The following CAMK2D variants were observed in gnomAD, a reference collection of about 807,000 sequenced individuals.
CAMK2D encodes the protein calcium/calmodulin-dependent protein kinase type II subunit delta.
A neutral mutation model predicts 84.0 loss-of-function variants in CAMK2D; 37 were observed. That is an observed-to-expected ratio of 0.44 (90% CI 0.34 to 0.58). The LOEUF (loss-of-function observed/expected upper bound fraction) is 0.58. Among genes scored for constraint, CAMK2D ranks in the 20% least tolerant of loss-of-function variants. The pLI, the probability that CAMK2D is intolerant of heterozygous loss-of-function variation, is 0.02. For synonymous variants in CAMK2D, 202 were observed against 212.5 expected, an observed-to-expected ratio of 0.95 and a Z score of 0.43; for missense variants, 448 against 652.5, an observed-to-expected ratio of 0.69 and a Z score of 3.41.
intron 16 of CAMK2D, among the ~76,000 whole-genome samples, chr4:113,476,410 A>G (rs774715823): frequency 1.1e-4 from 16 of 152,342 alleles, no homozygotes; most frequent in African/African-American, 3.8e-4. Context: ...TAAATGTGAC[A>G]TAACTGACTT....
chr4:113,633,021 C>A (rs775686036), intron 3 of CAMK2D, among the ~76,000 whole-genome samples: 1 of 152,158 alleles, frequency 6.6e-6, no homozygotes, highest in Non-Finnish European at 1.5e-5. Context: ...GTTTTGTTAT[C>A]CAAAGGCAAA....
Position 113,761,193 on chromosome 4 carries a change from A to T in CAMK2D, c.-125T>A. On this transcript the variant is annotated 5_prime_UTR_variant, in exon 1 of 21. Coordinates refer to ENST00000511664, the MANE Select transcript of CAMK2D (RefSeq NM_001321571.2). ...GCCGCTCTTACTTTCCTGGTCCGAAAGTAGCTCGCCCGCGAGGGAGTGTGC... is the reference window on the plus strand; with the variant it reads ...GCCGCTCTTACTTTCCTGGTCCGAATGTAGCTCGCCCGCGAGGGAGTGTGC... The T allele has an allele frequency of 1.4e-6, 2 of 1,419,534 alleles. No homozygotes were observed. Among genetic ancestry groups the T allele is most frequent in the East Asian group, 3.2e-5 (1 of 30,976 alleles). The allele number at this position is 1,419,534 out of a possible 1,614,324, so 87.9% of individuals were successfully genotyped here.
At position 113,519,092 on chromosome 4, in the gene CAMK2D, A is replaced by G. The variant is rs138441336; in HGVS notation, c.602-1435T>C. On this transcript the variant is annotated intron_variant, in intron 8 of 20. Transcript: ENST00000511664. ...GATGAGTGTTTCTCTTTGTGTTCTC[A>G]GGAGGCAAGTAGAAAAAAAGCTGTA... 6.8e-3 allele frequency among the ~76,000 whole-genome samples: 1,036 copies of G among 152,252 alleles called. 13 individuals carry two copies. Among genetic ancestry groups the G allele is most frequent in the African/African-American group, 0.024 (989 of 41,548 alleles).
In CAMK2D at chr4:113,515,174, C is replaced by T. The variant is rs755579133; in HGVS notation, c.714G>A (p.Trp238Ter). ...AGAYDFPSPEWDTVTPEAKDL... is the reference protein window; with the variant it reads ...AGAYDFPSPE ...CTTTGGCTTCAGGAGTCACCGTGTC[C>T]CATTCTGGTGATGGAAACTTCAAAA... is the stretch of plus-strand genomic sequence containing the variant. Residue 238 changes from tryptophan to a stop codon, truncating the protein, a stop_gained, in exon 10 of 21, where the codon TGG (tryptophan) becomes TGA (stop). Coordinates refer to ENST00000511664, the MANE Select transcript of CAMK2D (RefSeq NM_001321571.2). LOFTEE classifies it high-confidence loss of function. 6.3e-7 allele frequency: 1 copy of T among 1,597,316 alleles called. No homozygotes were observed. The highest frequency in any genetic ancestry group is 2.2e-5 in the East Asian group (1 of 44,556).
At chr4:113,462,493 T>A (rs538591068) in intron 17 of CAMK2D, among the ~76,000 whole-genome samples, 2 of 152,146 alleles carry the variant, frequency 1.3e-5, no homozygotes, top group Non-Finnish European at 2.9e-5. Flanking sequence ...GATCCACCAG[T>A]ACATTCTACC....
intron 14 of CAMK2D, among the ~76,000 whole-genome samples, 179 bp downstream of exon 14, chr4:113,504,797 C>A (rs568869515): frequency 2.8e-5 from 4 of 141,400 alleles, no homozygotes; most frequent in African/African-American, 5.4e-5. Flanking sequence ...CCAAAAAAAA[C>A]CAAAAGAAAT....
chr4:113,453,368 G>A lies in CAMK2D; in HGVS notation c.*1177C>T, dbSNP rs544205380. On this transcript the variant is annotated 3_prime_UTR_variant, in exon 21 of 21. Coordinates refer to ENST00000511664, the MANE Select transcript of CAMK2D (RefSeq NM_001321571.2). ...CATTCCCCAAGGCGGAGGTGAGTGC[G>A]TTTGCATAAAACCCCCTCTGCTATC... is the stretch of plus-strand genomic sequence containing the variant. 6.6e-6 allele frequency: 1 copy of A among 152,250 alleles called. No homozygotes were observed. Among genetic ancestry groups the A allele is most frequent in the South Asian group, 2.1e-4 (1 of 4,826 alleles). The allele number at this position is 152,250 out of a possible 1,614,324, so 9.4% of individuals were successfully genotyped here.
chr4:113,462,266 A>ATGTGTGTGTG lies in CAMK2D; in HGVS notation c.1212-2035_1212-2026dup, dbSNP rs143654780. Among the ~76,000 whole-genome samples, 469 of 109,626 alleles carry ATGTGTGTGTG rather than the reference A, an allele frequency of 4.3e-3. 3 individuals carry two copies. The highest frequency in any genetic ancestry group is 0.015 in the African/African-American group (376 of 25,182). The allele number at this position is 109,626 out of a possible 152,430, so 71.9% of individuals were successfully genotyped here. On this transcript the variant is annotated intron_variant, in intron 17 of 20. Transcript: ENST00000511664. ...TGAAAAAGAGTCAGTATATTTGGAA[A>ATGTGTGTGTG]TGTGTGTGTGTGTGTGTGTGTGTGT...
chr4:113,755,004 C>A lies in CAMK2D; in HGVS notation c.160+4316G>T, dbSNP rs903590789. 3.0e-6 allele frequency: 3 copies of A among 983,816 alleles called. No individual in the cohort carries two copies. In the African/African-American group the frequency reaches 5.3e-5, roughly 17 times the overall value. The allele number at this position is 983,816 out of a possible 1,614,324, so 60.9% of individuals were successfully genotyped here. A position where few individuals can be genotyped will look rare whatever the true frequency, so the allele number is the denominator to read the frequency against. On this transcript the variant is annotated intron_variant, in intron 2 of 20. Coordinates refer to ENST00000511664, the MANE Select transcript of CAMK2D (RefSeq NM_001321571.2). ...CCAAATCAATAATGTATAATCAGAACTTAATCCATCTACATAGTCTCAGTT... is the reference window on the plus strand; with the variant it reads ...CCAAATCAATAATGTATAATCAGAAATTAATCCATCTACATAGTCTCAGTT...
chr4:113,536,969 A>C (rs1468684084), intron 7 of CAMK2D, among the ~76,000 whole-genome samples: 2 of 152,216 alleles, frequency 1.3e-5, no homozygotes, highest in African/African-American at 4.8e-5. Context: ...TACTATTTAC[A>C]CAGCAGTTTT....
Position 113,761,107 on chromosome 4 carries a change from A to G in CAMK2D, c.-39T>C. On this transcript the variant is annotated 5_prime_UTR_variant, in exon 1 of 21. Transcript: ENST00000511664. Reference sequence around the variant, plus strand: ...TGTGCCCTGGCTGGGAGCGCGACGGACCAGAAGCGAGCAGACGCGCGGCTA... The same window carrying G: ...TGTGCCCTGGCTGGGAGCGCGACGGGCCAGAAGCGAGCAGACGCGCGGCTA... 1 of 1,613,110 alleles carries G rather than the reference A, an allele frequency of 6.2e-7. No individual in the cohort carries two copies. Among genetic ancestry groups the G allele is most frequent in the Non-Finnish European group, 8.5e-7 (1 of 1,179,934 alleles).
rs764043866 is a variant in CAMK2D at position 113,455,753 on chromosome 4, C to A, written c.*2G>T. The A allele has an allele frequency of 3.7e-6, 6 of 1,610,034 alleles. No homozygotes were observed. In the Admixed American group the frequency reaches 5.0e-5, roughly 13 times the overall value. On this transcript the variant is annotated 3_prime_UTR_variant, in exon 20 of 21. Transcript: ENST00000511664. Reference sequence around the variant, plus strand: ...GACCCATATGTGAATGGTTTTCAGGCCTTAGATGTTTTGCCACAAAGAGGT... The same window carrying A: ...GACCCATATGTGAATGGTTTTCAGGACTTAGATGTTTTGCCACAAAGAGGT...
At chr4:113,760,229 T>C (rs530621548) in intron 1 of CAMK2D, among the ~76,000 whole-genome samples, 1 of 152,234 alleles carries the variant, frequency 6.6e-6, no homozygotes, top group South Asian at 2.1e-4. Flanking sequence ...CATCTCCAAG[T>C]AGTTCTGCCA....
chr4:113,638,830 G>T (rs2099120329), intron 3 of CAMK2D, among the ~76,000 whole-genome samples: 2 of 152,206 alleles, frequency 1.3e-5, no homozygotes, highest in South Asian at 4.1e-4. Flanking sequence ...ATTGTGGTAA[G>T]GTGGAATTTC....
At position 113,462,252 on chromosome 4, in the gene CAMK2D, C is replaced by G. The variant is rs888853994; in HGVS notation, c.1212-2011G>C. On this transcript the variant is annotated intron_variant, in intron 17 of 20. Coordinates refer to ENST00000511664, the MANE Select transcript of CAMK2D (RefSeq NM_001321571.2). Reference sequence around the variant, plus strand: ...TTCTTACCCAGCCATGAAAAAGAGTCAGTATATTTGGAAATGTGTGTGTGT... The same window carrying G: ...TTCTTACCCAGCCATGAAAAAGAGTGAGTATATTTGGAAATGTGTGTGTGT... Among the ~76,000 whole-genome samples the G allele has an allele frequency of 1.6e-4, 24 of 145,958 alleles. 1 individual carries two copies. The highest frequency in any genetic ancestry group is 2.7e-4 in the Non-Finnish European group (18 of 67,030).
At chr4:113,510,469 G>A (rs966092737) in intron 12 of CAMK2D, among the ~76,000 whole-genome samples, 1 of 151,972 alleles carries the variant, frequency 6.6e-6, no homozygotes, top group African/African-American at 2.4e-5. Flanking sequence ...TTTTTTGGAA[G>A]GGAGCTTTTA....
intron 16 of CAMK2D, among the ~76,000 whole-genome samples, chr4:113,483,455 G>C (rs1340470295): frequency 6.6e-6 from 1 of 151,642 alleles, no homozygotes; most frequent in Non-Finnish European, 1.5e-5. Flanking sequence ...GCGCAGGCTG[G>C]AGTGCAGTGG....
chr4:113,752,375 T>C (rs1050166297), intron 2 of CAMK2D, among the ~76,000 whole-genome samples: 1 of 152,172 alleles, frequency 6.6e-6, no homozygotes, highest in African/African-American at 2.4e-5. Context: ...TGTACCTTTA[T>C]ACTACTTGCT....
intron 16 of CAMK2D, among the ~76,000 whole-genome samples, chr4:113,476,464 C>T (rs1281878842): frequency 5.3e-5 from 8 of 151,978 alleles, no homozygotes; most frequent in Non-Finnish European, 7.4e-5. Context: ...TTGCTCATTC[C>T]TGGGTGTAAA....
Sources: gnomAD v4.1 joint callset for allele counts (sites outside exome capture counted in the v4.1 genomes callset) on GRCh38, gnomAD v4.1.1 for gene constraint, MANE v1.5 for transcripts, NCBI Gene and HGNC (gene_info 2026-07-23, HGNC 2026-07-21) for gene names.